The following PAX6 variants were observed in gnomAD, a reference collection of about 807,000 sequenced individuals.
The protein encoded by PAX6 is paired box 6.
PAX6 carries 7 observed loss-of-function variants against 60.7 expected under a neutral mutation model. That is an observed-to-expected ratio of 0.12 (90% CI 0.07 to 0.22). PAX6 has a LOEUF of 0.22. Among genes scored for constraint, PAX6 ranks in the 10% least tolerant of loss-of-function variants. The pLI is 1.00. For missense variants in PAX6, 355 were observed against 555.2 expected (o/e 0.64, Z 3.62); for synonymous variants, 208 against 201.2 (o/e 1.03, Z -0.29).
intron 4 of PAX6, 25 bp from the exon 5 acceptor site, chr11:31,802,859 AG>A: frequency 6.2e-7 from 1 of 1,611,514 alleles, no homozygotes; most frequent in Non-Finnish European, 8.5e-7. Flanking sequence ...AGGAGAGGAA[AG>A]GGGAAAAGAA....
rs777759794 is a variant in PAX6, at chr11:31,816,548, G to A, written c.-317+1261C>T. 3.0e-5 allele frequency: 21 copies of A among 702,650 alleles called. No homozygotes were observed. The Middle Eastern group carries it at 4.1e-3, about 138-fold the overall frequency. The allele number at this position is 702,650 out of a possible 1,614,324, so 43.5% of individuals were successfully genotyped here. ...TGGCTGGGTTTGATTTATGACTGGAGGAGAAGGTCCACTTCCCACTGCGAA... is the reference window on the plus strand; with the variant it reads ...TGGCTGGGTTTGATTTATGACTGGAAGAGAAGGTCCACTTCCCACTGCGAA... On this transcript the variant is annotated intron_variant, in intron 1 of 12. Coordinates refer to the PAX6 transcript ENST00000241001.
chr11:31,802,734 G>C lies in PAX6; in HGVS notation c.111C>G (p.Ala37=), dbSNP rs1364957871. The C allele has an allele frequency of 2.5e-6, 4 of 1,613,850 alleles. No individual in the cohort carries two copies. Among genetic ancestry groups the C allele is most frequent in the Non-Finnish European group, 8.5e-7 (1 of 1,179,852 alleles). ...QKIVELAHSG[A]RPCDISRILQ... Reference sequence around the variant, plus strand: ...GAATTCGGGAAATGTCGCACGGCCGGGCCCCGCTGTGAGCTAGCTCTACAA... The same window carrying C: ...GAATTCGGGAAATGTCGCACGGCCGCGCCCCGCTGTGAGCTAGCTCTACAA... Residue 37 remains alanine, a synonymous_variant, in exon 5 of 14, where the codon GCC becomes GCG. Transcript: ENST00000640368.
chr11:31,802,487 A>T, intron 5 of PAX6: 1 of 535,880 alleles, frequency 1.9e-6, no homozygotes, highest in Non-Finnish European at 3.3e-6. Context: ...CAGATGAGTT[A>T]TCTTATGTAA....
chr11:31,802,054 T>G, intron 5 of PAX6, 142 bp from the exon 6 acceptor site: 1 of 740,770 alleles, frequency 1.3e-6, no homozygotes, highest in East Asian at 2.7e-5. Flanking sequence ...ATTTAAAAGC[T>G]TTTTTTAAAA....
upstream of PAX6, among the ~76,000 whole-genome samples, chr11:31,815,486 G>T (rs562676291): frequency 6.6e-6 from 1 of 152,246 alleles, no homozygotes; most frequent in East Asian, 1.9e-4. Flanking sequence ...GAACAGGCAG[G>T]CGGGAACTGG....
At position 31,810,880 on chromosome 11, in the gene PAX6, G is replaced by T. The variant is rs1329038965; in HGVS notation, c.-181C>A. ...ACAGCTTCTGTCAAGAGTTTTGTTT[G>T]GTTGGGGTTTTTTGTGCTGCTGTTG... On this transcript the variant is annotated 5_prime_UTR_variant, in exon 2 of 14. Transcript: ENST00000640368. 7.5e-6 allele frequency: 3 copies of T among 399,052 alleles called. No homozygotes were observed. In the Admixed American group the frequency reaches 1.3e-4, roughly 18 times the overall value. The allele number at this position is 399,052 out of a possible 1,614,324, so 24.7% of individuals were successfully genotyped here.
chr11:31,801,049 G>A, intron 7 of PAX6, 193 bp from the exon 8 acceptor site: 2 of 768,324 alleles, frequency 2.6e-6, no homozygotes, highest in South Asian at 3.2e-5. Context: ...TGGAAATTTA[G>A]TTGGATAGAG....
At chr11:31,812,851 A>G (rs1957181066), upstream of PAX6, 2 of 152,252 alleles carry the variant, frequency 1.3e-5, no homozygotes, top group African/African-American at 4.8e-5. Context: ...CATCAATAAA[A>G]TCTGCGCGAC....
chr11:31,809,991 A>T (rs1956705872), intron 2 of PAX6: 1 of 152,408 alleles, frequency 6.6e-6, no homozygotes, highest in African/African-American at 2.4e-5. Flanking sequence ...TGGGGAGCAG[A>T]GAGTTTTCAA....
At chr11:31,798,085 G>A (rs750544747) in intron 8 of PAX6, among the ~76,000 whole-genome samples, 4 of 151,576 alleles carry the variant, frequency 2.6e-5, no homozygotes, top group Non-Finnish European at 5.9e-5. Flanking sequence ...AAACAAGCAA[G>A]AAAAGATAGC....
intron 3 of PAX6, 39 bp from the exon 4 acceptor site, chr11:31,806,501 G>A (rs571197697): frequency 6.6e-6 from 10 of 1,513,008 alleles, no homozygotes; most frequent in Admixed American, 3.8e-5. Flanking sequence ...TCGGGCAGCT[G>A]CATCAGGTAG....
chr11:31,806,394 G>T lies in PAX6; in HGVS notation c.10+8C>A, dbSNP rs1224333055. The T allele has an allele frequency of 6.2e-7, 1 of 1,609,110 alleles. No individual in the cohort carries two copies. Among genetic ancestry groups the T allele is most frequent in the Non-Finnish European group, 8.5e-7 (1 of 1,177,976 alleles). On this transcript the variant is annotated splice_region_variant and intron_variant, in intron 4 of 13. Coordinates refer to ENST00000640368, the MANE Select transcript of PAX6 (RefSeq NM_001368894.2). Reference sequence around the variant, plus strand: ...GCCCGAAGTCCCAGAAAGACCAGAGGCACTTACTGTTCTGCATGCTGGCTC... The same window carrying T: ...GCCCGAAGTCCCAGAAAGACCAGAGTCACTTACTGTTCTGCATGCTGGCTC...
intron 8 of PAX6, among the ~76,000 whole-genome samples, chr11:31,795,404 C>T (rs1951179997): frequency 6.6e-6 from 1 of 152,158 alleles, no homozygotes; most frequent in South Asian, 2.1e-4. Flanking sequence ...GCCTTGACAC[C>T]TATTACGAGC....
chr11:31,809,228 C>G (rs1260435509), intron 2 of PAX6: 1 of 152,206 alleles, frequency 6.6e-6, no homozygotes, highest in African/African-American at 2.4e-5. Flanking sequence ...ACTGCCTTCA[C>G]GCTTTTGCAA....
intron 8 of PAX6, among the ~76,000 whole-genome samples, chr11:31,798,991 C>G (rs571121752): frequency 6.6e-6 from 1 of 152,362 alleles, no homozygotes; most frequent in South Asian, 2.1e-4. Flanking sequence ...CAGGCCTAGG[C>G]CACCGTGCCC....
chr11:31,797,015 C>T (rs1216624219), intron 8 of PAX6, among the ~76,000 whole-genome samples: 2 of 152,150 alleles, frequency 1.3e-5, no homozygotes, highest in Non-Finnish European at 2.9e-5. Context: ...GCGACCACCC[C>T]CACCCCTCGC....
At chr11:31,797,854 G>T (rs1952129367) in intron 8 of PAX6, among the ~76,000 whole-genome samples, 1 of 152,156 alleles carries the variant, frequency 6.6e-6, no homozygotes, top group African/African-American at 2.4e-5. Flanking sequence ...GCCGCGCAAA[G>T]CAGGGGCCTT....
chr11:31,790,620 G>A (rs896972852), intron 13 of PAX6, 90 bp downstream of exon 13: 15 of 1,581,496 alleles, frequency 9.5e-6, no homozygotes, highest in Admixed American at 1.7e-5. Flanking sequence ...AGTTAAACAC[G>A]CCCTCCCATA....
chr11:31,790,925 CCCT>C, intron 12 of PAX6, 65 bp from the exon 13 acceptor site: 1 of 1,554,450 alleles, frequency 6.4e-7, no homozygotes, highest in Non-Finnish European at 8.8e-7. Flanking sequence ...GCCCCAGGCT[CCCT>C]CCTCCCGAGG....
Sources: allele counts gnomAD v4.1 joint callset (sites outside exome capture counted in the v4.1 genomes callset), GRCh38; gene constraint gnomAD v4.1.1; transcripts MANE v1.5; gene names NCBI Gene and HGNC (gene_info 2026-07-23, HGNC 2026-07-21).